PAPPA2: variants seen among roughly 807,000 people sequenced by gnomAD.
The protein encoded by PAPPA2 is pappalysin-2.
PAPPA2 carries 86 observed loss-of-function variants against 176.4 expected under a neutral mutation model. The ratio of observed to expected loss-of-function variants is 0.49; its 90% CI spans 0.41 to 0.58. The LOEUF (loss-of-function observed/expected upper bound fraction) is 0.58, where lower values mean the gene tolerates loss of function less well. Among genes scored for constraint, PAPPA2 ranks in the 20% least tolerant of loss-of-function variants. The pLI, the probability that PAPPA2 is intolerant of heterozygous loss-of-function variation, is 0.00. For missense variants in PAPPA2, 2,073 were observed against 2,256.9 expected, an observed-to-expected ratio of 0.92 and a Z score of 1.65; for synonymous variants, 809 against 852.2, an observed-to-expected ratio of 0.95 and a Z score of 0.88.
chr1:176,602,796 G>A (rs1426692508), intron 3 of PAPPA2, among the ~76,000 whole-genome samples: 2 of 152,138 alleles, frequency 1.3e-5, no homozygotes, highest in African/African-American at 2.4e-5. Flanking sequence ...TCATGGTCAC[G>A]TCAACTGGCA....
chr1:176,773,533 G>T (rs1298547734), intron 17 of PAPPA2, among the ~76,000 whole-genome samples: 2 of 151,870 alleles, frequency 1.3e-5, no homozygotes, highest in African/African-American at 2.4e-5. Flanking sequence ...ACAAAAATTT[G>T]GGAGTTATAT....
chr1:176,520,169 A>C (rs77669982), intron 1 of PAPPA2, among the ~76,000 whole-genome samples: 13,005 of 152,208 alleles, frequency 0.085, 700 homozygotes, highest in Middle Eastern at 0.17. Context: ...TTACATTTCT[A>C]TTCTTCCTCC....
At chr1:176,807,797 A>G (rs1665972545) in intron 21 of PAPPA2, among the ~76,000 whole-genome samples, 1 of 152,226 alleles carries the variant, frequency 6.6e-6, no homozygotes, top group Non-Finnish European at 1.5e-5. Flanking sequence ...TGCAAGGCCA[A>G]GTTTGATATT....
intron 3 of PAPPA2, among the ~76,000 whole-genome samples, chr1:176,608,821 G>A (rs1439043795): frequency 6.6e-6 from 1 of 152,160 alleles, no homozygotes. Flanking sequence ...AACTTTGTAT[G>A]TGGAGTCTGA....
intron 1 of PAPPA2, among the ~76,000 whole-genome samples, chr1:176,552,380 T>A (rs1466592365): frequency 7.4e-6 from 1 of 134,402 alleles, no homozygotes; most frequent in African/African-American, 2.8e-5. Flanking sequence ...CCACGCCTCC[T>A]TCTTTCTTCT....
At chr1:176,817,210 T>C (rs1385320660) in intron 21 of PAPPA2, among the ~76,000 whole-genome samples, 1 of 152,072 alleles carries the variant, frequency 6.6e-6, no homozygotes, top group East Asian at 1.9e-4. Flanking sequence ...TGAAGAATAA[T>C]AATTCCACTA....
chr1:176,496,680 A>G (rs7556653), intron 1 of PAPPA2, among the ~76,000 whole-genome samples: 12,182 of 152,254 alleles, frequency 0.08, 608 homozygotes, highest in South Asian at 0.16. Flanking sequence ...GTTGTGGTGG[A>G]CAAATGATGA....
chr1:176,603,313 C>T (rs1030308801), intron 3 of PAPPA2, among the ~76,000 whole-genome samples: 2 of 152,198 alleles, frequency 1.3e-5, no homozygotes, highest in African/African-American at 4.8e-5. Context: ...ACACATTTTT[C>T]TTTGCCTTGG....
At chr1:176,769,152 A>G (rs886709139) in intron 15 of PAPPA2, among the ~76,000 whole-genome samples, 21 of 152,226 alleles carry the variant, frequency 1.4e-4, no homozygotes, top group African/African-American at 4.3e-4. Context: ...GCCAATCTGC[A>G]GCGACCCTTG....
At position 176,506,874 on chromosome 1, in the gene PAPPA2, T is replaced by C. The variant is rs149966703; in HGVS notation, c.-917+43456T>C. Among the ~76,000 whole-genome samples, 300 of 152,266 alleles carry C rather than the reference T, an allele frequency of 2.0e-3. 2 individuals are homozygous for C. The highest frequency in any genetic ancestry group is 6.3e-3 in the African/African-American group (262 of 41,572). ...AAGCTACAAAATGCCCCTCTTGACA[T>C]TGGTCTTGGCGAGAAATTTTTGGCT... On this transcript the variant is annotated intron_variant, in intron 1 of 22. Transcript: ENST00000367662.
intron 1 of PAPPA2, among the ~76,000 whole-genome samples, chr1:176,545,254 G>C (rs190749078): frequency 6.6e-6 from 1 of 151,796 alleles, no homozygotes; most frequent in Non-Finnish European, 1.5e-5. Context: ...AGCTTGCTAC[G>C]AATAACAAAA....
intron 2 of PAPPA2, among the ~76,000 whole-genome samples, chr1:176,590,925 A>G (rs938479464): frequency 6.6e-6 from 1 of 152,146 alleles, no homozygotes; most frequent in African/African-American, 2.4e-5. Context: ...CAGTGTCTGC[A>G]TCTATAAAAT....
chr1:176,589,992 G>T (rs1653557703), intron 2 of PAPPA2, among the ~76,000 whole-genome samples: 2 of 152,186 alleles, frequency 1.3e-5, no homozygotes, highest in African/African-American at 4.8e-5. Context: ...GGGGACCTGT[G>T]CAGGCTACTC....
chr1:176,649,573 T>G (rs1298209146), intron 3 of PAPPA2, among the ~76,000 whole-genome samples: 1 of 151,354 alleles, frequency 6.6e-6, no homozygotes, highest in Non-Finnish European at 1.5e-5. Flanking sequence ...TTCTCTTTGT[T>G]GTATTATAAA....
At chr1:176,617,509 G>C (rs1655334921) in intron 3 of PAPPA2, among the ~76,000 whole-genome samples, 1 of 152,094 alleles carries the variant, frequency 6.6e-6, no homozygotes, top group Admixed American at 6.6e-5. Context: ...ATGCCTTTGT[G>C]TTCTCATAGC....
chr1:176,774,932 G>A (rs1039062088), intron 17 of PAPPA2, among the ~76,000 whole-genome samples: 13 of 151,948 alleles, frequency 8.6e-5, no homozygotes, highest in African/African-American at 2.9e-4. Context: ...TTATATCTTC[G>A]TGGAAGCCGT....
chr1:176,629,789 C>T (rs1163477983), intron 3 of PAPPA2, among the ~76,000 whole-genome samples: 1 of 152,130 alleles, frequency 6.6e-6, no homozygotes, highest in Non-Finnish European at 1.5e-5. Flanking sequence ...ACAAACATAA[C>T]TATTTTGTTA....
At chr1:176,834,476 G>C (rs1406710020) in intron 21 of PAPPA2, among the ~76,000 whole-genome samples, 4 of 152,292 alleles carry the variant, frequency 2.6e-5, no homozygotes, top group Non-Finnish European at 5.9e-5. Context: ...GCAGCAAAAC[G>C]TCTGGTTTTA....
chr1:176,602,149 T>A (rs1174123443), intron 3 of PAPPA2, among the ~76,000 whole-genome samples: 1 of 152,300 alleles, frequency 6.6e-6, no homozygotes, highest in Non-Finnish European at 1.5e-5. Context: ...TTCTGAAGCC[T>A]GTGATGGGCT....
Sources: gnomAD v4.1 joint callset for allele counts (sites outside exome capture counted in the v4.1 genomes callset) on GRCh38, gnomAD v4.1.1 for gene constraint, MANE v1.5 for transcripts, NCBI Gene and HGNC (gene_info 2026-07-23, HGNC 2026-07-21) for gene names.